The following IDE variants were observed in gnomAD, a reference collection of about 807,000 sequenced individuals.
The protein encoded by IDE is insulin degrading enzyme, also known as insulin-degrading enzyme.
In IDE, 58 loss-of-function variants were observed where a neutral mutation model predicts 133.2. The observed-to-expected ratio is 0.44, with a 90% confidence interval of 0.35 to 0.54. The LOEUF (loss-of-function observed/expected upper bound fraction) is 0.54, where lower values mean the gene tolerates loss of function less well. IDE is among the 20% of genes least tolerant of loss of function. The pLI, the probability that IDE is intolerant of heterozygous loss-of-function variation, is 0.00. For synonymous variants in IDE, 396 were observed against 421.3 expected, an observed-to-expected ratio of 0.94 and a Z score of 0.73; for missense variants, 981 against 1,234.0, an observed-to-expected ratio of 0.79 and a Z score of 3.07.
At chr10:92,514,777 G>A in intron 5 of IDE, 143 bp downstream of exon 5, 1 of 608,266 alleles carries the variant, frequency 1.6e-6, no homozygotes, top group Non-Finnish European at 2.8e-6. Context: ...CCCCACCTAT[G>A]TATTCTCTAA....
At chr10:92,541,053 A>C (rs1385473116) in intron 1 of IDE, among the ~76,000 whole-genome samples, 2 of 152,210 alleles carry the variant, frequency 1.3e-5, no homozygotes, top group Admixed American at 1.3e-4. Flanking sequence ...AGATAGATTT[A>C]TTCTACAAGT....
intron 12 of IDE, among the ~76,000 whole-genome samples, chr10:92,489,142 G>A (rs1847198391): frequency 6.6e-6 from 1 of 152,128 alleles, no homozygotes; most frequent in African/African-American, 2.4e-5. Context: ...TCGGCACTGG[G>A]GACGTTGGCC....
At position 92,552,857 on chromosome 10, in the gene IDE, C is replaced by CAAAAAAAAAAAAAAAAAAA. The variant is rs71028827; in HGVS notation, c.99-15326_99-15308dup. 8.8e-3 allele frequency among the ~76,000 whole-genome samples: 432 copies of CAAAAAAAAAAAAAAAAAAA among 49,256 alleles called. 25 individuals are homozygous for CAAAAAAAAAAAAAAAAAAA. Among genetic ancestry groups the CAAAAAAAAAAAAAAAAAAA allele is most frequent in the Non-Finnish European group, 0.011 (304 of 28,840 alleles). The allele number at this position is 49,256 out of a possible 152,430, so 32.3% of individuals were successfully genotyped here. A position where few individuals can be genotyped will look rare whatever the true frequency, so the allele number is the denominator to read the frequency against. On this transcript the variant is annotated intron_variant, in intron 1 of 24. Coordinates refer to ENST00000265986, the MANE Select transcript of IDE (RefSeq NM_004969.4). The stretch of plus-strand genomic sequence containing the variant: ...TGGGTGACAGAGTAAGACTCAGTCT[C>CAAAAAAAAAAAAAAAAAAA]AAAAAAAAAAAAAAAAAAAAATTAT...
chr10:92,522,463 A>C (rs149062107), intron 4 of IDE, among the ~76,000 whole-genome samples: 3 of 152,028 alleles, frequency 2.0e-5, no homozygotes, highest in Non-Finnish European at 2.9e-5. Context: ...CTACCACCCT[A>C]TCTCTCTCCT....
At position 92,537,538 on chromosome 10, in the gene IDE, CT is replaced by C. The variant is rs1307048524; in HGVS notation, c.110del (p.Lys37ArgfsTer6). ...PPERLCGFQK[K>X]TYSKMNNPAI... ...CTGGATTATTCATTTTGCTGTAAGTCTTTTTTTGGAAACTGAAAAGAAAGAG... is the reference window on the plus strand; with the variant it reads ...CTGGATTATTCATTTTGCTGTAAGTCTTTTTTGGAAACTGAAAAGAAAGAG... On this transcript the variant is annotated frameshift_variant, in exon 2 of 25. Transcript: ENST00000265986. LOFTEE classifies it high-confidence loss of function. The C allele has an allele frequency of 3.1e-6, 5 of 1,589,524 alleles. No homozygotes were observed. Among genetic ancestry groups the C allele is most frequent in the Non-Finnish European group, 2.6e-6 (3 of 1,172,136 alleles).
At chr10:92,475,385 T>C (rs1486844159) in intron 16 of IDE, among the ~76,000 whole-genome samples, 1 of 152,202 alleles carries the variant, frequency 6.6e-6, no homozygotes, top group East Asian at 1.9e-4. Context: ...TTTCTTCTAG[T>C]ATACAAGGAA....
intron 11 of IDE, among the ~76,000 whole-genome samples, chr10:92,494,738 T>C (rs1847586310): frequency 6.6e-6 from 1 of 152,206 alleles, no homozygotes; most frequent in Admixed American, 6.6e-5. Flanking sequence ...CTGTCGAAGC[T>C]GGATGGAACT....
At chr10:92,460,650 T>C (rs559204992) in intron 22 of IDE, among the ~76,000 whole-genome samples, 1 of 152,308 alleles carries the variant, frequency 6.6e-6, no homozygotes, top group South Asian at 2.1e-4. Flanking sequence ...GGGCTGTACA[T>C]GGCCCGCAGG....
intron 1 of IDE, among the ~76,000 whole-genome samples, chr10:92,555,956 G>T (rs1049023063): frequency 3.9e-4 from 59 of 151,132 alleles, no homozygotes; most frequent in South Asian, 2.1e-4. Context: ...GGTGGATCAC[G>T]AGGTCAGGAG....
In IDE at chr10:92,504,806, G is replaced by C; in HGVS notation, c.1418C>G (p.Pro473Arg). The C allele has an allele frequency of 1.3e-6, 2 of 1,569,618 alleles. No individual in the cohort carries two copies. Among genetic ancestry groups the C allele is most frequent in the Non-Finnish European group, 1.7e-6 (2 of 1,143,390 alleles). ...TATGGTGACTCACCGGACATTTTCT[G>C]GTCTGAGTTTATCGAGAACCATCTC... ...LIEMVLDKLR[P>R]ENVRVAIVSK... The change falls in exon 11 of 25, where the codon CCA becomes CGA. Residue 473 changes from proline (P) to arginine (R), a missense_variant. By Grantham distance (103) the Pro-to-Arg change is moderately radical. Around this residue, in one of 2 missense-constraint regions of IDE, gnomAD observed 660 missense variants for 894.7 expected, o/e 0.74. Transcript: ENST00000265986.
At chr10:92,492,745 T>TG (rs1847435605) in intron 11 of IDE, among the ~76,000 whole-genome samples, 1 of 152,226 alleles carries the variant, frequency 6.6e-6, no homozygotes, top group African/African-American at 2.4e-5. Context: ...TCCCCTCTGA[T>TG]GATACTCATT....
At chr10:92,479,172 TAAA>T in intron 15 of IDE, 102 bp downstream of exon 15, 1 of 628,986 alleles carries the variant, frequency 1.6e-6, no homozygotes, top group Non-Finnish European at 2.5e-6. Context: ...CCATAAAGAT[TAAA>T]AAAAAAAGAA....
rs776221550 is a variant in IDE, at chr10:92,514,922, C to T, written c.782G>A (p.Arg261Gln). 3.7e-6 allele frequency: 6 copies of T among 1,609,526 alleles called. No homozygotes were observed. The highest frequency in any genetic ancestry group is 2.7e-5 in the African/African-American group (2 of 74,676). The change falls in exon 5 of 25, where the codon CGA (arginine) becomes CAA (glutamine). Residue 261 changes from arginine to glutamine, a missense_variant and splice_region_variant. Coordinates refer to ENST00000265986, the MANE Select transcript of IDE (RefSeq NM_004969.4). ...SNLMAVCVLGRESLDDLTNLV... is the reference protein window; with the variant it reads ...SNLMAVCVLGQESLDDLTNLV... Reference sequence around the variant, plus strand: ...TAAAAAATTGTAAGGGTTCTTACCTCGACCTAAAACACAAACAGCCATTAA... The same window carrying T: ...TAAAAAATTGTAAGGGTTCTTACCTTGACCTAAAACACAAACAGCCATTAA...
At chr10:92,505,053 TTG>T (rs2135526030) in intron 10 of IDE, among the ~76,000 whole-genome samples, 156 bp from the exon 11 acceptor site, 1 of 152,380 alleles carries the variant, frequency 6.6e-6, no homozygotes, top group African/African-American at 2.4e-5. Flanking sequence ...CCCTAAATCG[TTG>T]TCTCTTTCCT....
chr10:92,456,818 C>A (rs1845036209), intron 22 of IDE, among the ~76,000 whole-genome samples: 1 of 119,264 alleles, frequency 8.4e-6, no homozygotes, highest in Non-Finnish European at 1.6e-5. Flanking sequence ...GCACTCCAGC[C>A]TGGGTGACAG....
At chr10:92,526,531 G>A (rs1239444236) in intron 4 of IDE, among the ~76,000 whole-genome samples, 1 of 152,138 alleles carries the variant, frequency 6.6e-6, no homozygotes, top group Non-Finnish European at 1.5e-5. Flanking sequence ...TCAACCTGAT[G>A]TGGAAAGGAA....
chr10:92,539,126 C>T (rs1311998533), intron 1 of IDE, among the ~76,000 whole-genome samples: 1 of 151,758 alleles, frequency 6.6e-6, no homozygotes, highest in Non-Finnish European at 1.5e-5. Flanking sequence ...TTCCAATCTG[C>T]ATAACAATTG....
At chr10:92,490,635 C>CAT in intron 11 of IDE, 40 bp from the exon 12 acceptor site, 2 of 1,164,328 alleles carry the variant, frequency 1.7e-6, no homozygotes, top group Non-Finnish European at 2.6e-6. Flanking sequence ...CCTGTAAACT[C>CAT]ATACTGTATA....
At position 92,490,536 on chromosome 10, in the gene IDE, C is replaced by T; in HGVS notation, c.1490G>A (p.Gly497Glu). ...TATAGCTTCTTGTTTGTACTGGGTT[C>T]CATACCACTCTTCTGTGCGATCAGT... Reference protein sequence around the residue: ...GKTDRTEEWYGTQYKQEAIPD... With the variant: ...GKTDRTEEWYETQYKQEAIPD... The change falls in exon 12 of 25, where the codon GGA (glycine) becomes GAA (glutamate). Residue 497 changes from glycine to glutamate, a missense_variant. By Grantham distance (98) the Gly-to-Glu change is moderately conservative (BLOSUM62 -2). Transcript: ENST00000265986. 6.2e-7 allele frequency: 1 copy of T among 1,612,812 alleles called. No homozygotes were observed. The highest frequency in any genetic ancestry group is 1.1e-5 in the South Asian group (1 of 91,040).
Sources: gnomAD v4.1 joint callset for allele counts (sites outside exome capture counted in the v4.1 genomes callset) on GRCh38, gnomAD v4.1.1 for gene constraint, gnomAD v4.1.1 regional missense constraint, MANE v1.5 for transcripts, NCBI Gene and HGNC (gene_info 2026-07-23, HGNC 2026-07-21) for gene names.